Variants in CCDC33 observed in about 807,000 individuals in gnomAD.
CCDC33 encodes coiled-coil domain-containing protein 33.
A neutral mutation model predicts 91.9 loss-of-function variants in CCDC33; 94 were observed. The ratio of observed to expected loss-of-function variants is 1.02; its 90% confidence interval spans 0.87 to 1.21. The LOEUF (loss-of-function observed/expected upper bound fraction) is 1.21, where lower values mean the gene tolerates loss of function less well. Among genes scored for constraint, CCDC33 ranks in the 50% most tolerant of loss-of-function variants. The pLI is 0.00. For synonymous variants in CCDC33, 396 were observed against 374.5 expected (o/e 1.06, Z -0.66); for missense variants, 940 against 935.5 (o/e 1.00, Z -0.06).
rs758275216 is a variant in CCDC33 at position 74,331,308 on chromosome 15, C to T, written c.1771+12C>T. Reference sequence around the variant, plus strand: ...AAAGCCCTACACGGGTGGGTCCACACCCTGATGTGATCAGCTCCCCAGCTT... The same window carrying T: ...AAAGCCCTACACGGGTGGGTCCACATCCTGATGTGATCAGCTCCCCAGCTT... On this transcript the variant is annotated intron_variant, in intron 15 of 18. Transcript: ENST00000398814. The T allele has an allele frequency of 1.9e-6, 3 of 1,613,124 alleles. No individual in the cohort carries two copies. The highest frequency in any genetic ancestry group is 2.5e-6 in the Non-Finnish European group (3 of 1,179,454).
At chr15:74,318,669 C>T (rs771109009) in intron 11 of CCDC33, 2 of 764,414 alleles carry the variant, frequency 2.6e-6, no homozygotes, top group Non-Finnish European at 2.4e-6. Context: ...GTAAGTCGCC[C>T]CCTCGCCCAC....
chr15:74,304,029 G>A (rs904473650), intron 11 of CCDC33: 1 of 152,250 alleles, frequency 6.6e-6, no homozygotes, highest in African/African-American at 2.4e-5. Flanking sequence ...CATCCCACAT[G>A]TGTCTGTTAC....
At chr15:74,216,000 C>G (rs13379566), upstream of CCDC33, among the ~76,000 whole-genome samples, 1 of 152,222 alleles carries the variant, frequency 6.6e-6, no homozygotes, top group East Asian at 1.9e-4. Flanking sequence ...TGATTCTGAG[C>G]GTGGGCCCTG....
At chr15:74,304,024 C>A (rs1021542189) in intron 11 of CCDC33, 1 of 152,198 alleles carries the variant, frequency 6.6e-6, no homozygotes, top group African/African-American at 2.4e-5. Context: ...GATCACATCC[C>A]ACATGTGTCT....
intron 1 of CCDC33, chr15:74,243,772 C>A (rs1048507505): frequency 1.7e-6 from 1 of 595,296 alleles, no homozygotes; most frequent in African/African-American, 1.8e-5. Context: ...TGGGGAAATC[C>A]CGTCTCTACT....
chr15:74,295,545 G>T (rs1358648307), intron 10 of CCDC33, among the ~76,000 whole-genome samples: 2 of 152,182 alleles, frequency 1.3e-5, no homozygotes, highest in Non-Finnish European at 2.9e-5. Context: ...TGAGGCAGGA[G>T]CGAGCTTGGC....
At chr15:74,276,241 G>A (rs750699833) in intron 7 of CCDC33, among the ~76,000 whole-genome samples, 3 of 152,238 alleles carry the variant, frequency 2.0e-5, no homozygotes, top group Non-Finnish European at 4.4e-5. Flanking sequence ...GGAGCCTGGT[G>A]ATGATGGCAA....
intron 2 of CCDC33, among the ~76,000 whole-genome samples, chr15:74,220,619 C>T (rs2074563013): frequency 6.6e-6 from 1 of 152,158 alleles, no homozygotes; most frequent in African/African-American, 2.4e-5. Flanking sequence ...AGGGGACTGG[C>T]GAGATGGCTG....
At chr15:74,290,973 T>C (rs1205982054) in intron 10 of CCDC33, among the ~76,000 whole-genome samples, 1 of 152,214 alleles carries the variant, frequency 6.6e-6, no homozygotes, top group East Asian at 1.9e-4. Flanking sequence ...AGGACTTTCA[T>C]ACTAAAATCC....
chr15:74,280,968 G>C (rs1451821825), intron 9 of CCDC33, among the ~76,000 whole-genome samples, 167 bp downstream of exon 9: 4 of 152,208 alleles, frequency 2.6e-5, no homozygotes. Flanking sequence ...GGAGCTCCCT[G>C]GAACCCCAGA....
In CCDC33 at chr15:74,268,468, C is replaced by T; in HGVS notation, c.546+10C>T. On this transcript the variant is annotated intron_variant, in intron 5 of 18. Transcript: ENST00000398814. ...CCACATGGCTCTGGAGGTACCAGGG[C>T]TGGGGCCCTCTGGGGTGGTGGTGGG... 7.4e-7 allele frequency: 1 copy of T among 1,359,300 alleles called. No homozygotes were observed. The highest frequency in any genetic ancestry group is 1.0e-6 in the Non-Finnish European group (1 of 992,926). 84.2% of individuals were successfully genotyped at this position (1,359,300 alleles called of 1,614,324 possible).
At chr15:74,332,102 G>T (rs1400058752) in intron 15 of CCDC33, among the ~76,000 whole-genome samples, 2 of 152,174 alleles carry the variant, frequency 1.3e-5, no homozygotes, top group South Asian at 4.1e-4. Context: ...ACCTAAAACT[G>T]CCAATCAGCC....
In CCDC33 at chr15:74,280,087, C is replaced by T. The variant is rs1159976823; in HGVS notation, c.884C>T (p.Thr295Ile). 5 of 1,613,906 alleles carry T rather than the reference C, an allele frequency of 3.1e-6. No homozygotes were observed. Among genetic ancestry groups the T allele is most frequent in the Admixed American group, 1.7e-5 (1 of 59,994 alleles). Residue 295 changes from threonine to isoleucine, a missense_variant, in exon 8 of 19, where the codon ACT (threonine) becomes ATT (isoleucine). By Grantham distance (89) the Thr-to-Ile change is moderately conservative. Transcript: ENST00000398814. ...TALVLEYYSS[T>I]SMKGSQPWTL... ...CTGGTGCTGGAGTACTACTCCTCAACTTCAAGTACGTGACCCCTGGTGCCT... is the reference window on the plus strand; with the variant it reads ...CTGGTGCTGGAGTACTACTCCTCAATTTCAAGTACGTGACCCCTGGTGCCT...
exon 2 of CCDC33, chr15:74,209,509 A>G: frequency 7.0e-7 from 1 of 1,435,022 alleles, no homozygotes; most frequent in Non-Finnish European, 9.4e-7. Flanking sequence ...GGGAGTCATC[A>G]CAGGGCTTCA....
At chr15:74,318,436 CACCCAGACA>C in intron 11 of CCDC33, 3 of 547,470 alleles carry the variant, frequency 5.5e-6, no homozygotes, top group Non-Finnish European at 3.2e-6. Flanking sequence ...TCAGCCACCC[CACCCAGACA>C]CCCCCCACCC....
chr15:74,333,710 C>T (rs1482916899), intron 16 of CCDC33, among the ~76,000 whole-genome samples, 171 bp from the exon 17 acceptor site: 1 of 152,190 alleles, frequency 6.6e-6, no homozygotes, highest in Non-Finnish European at 1.5e-5. Flanking sequence ...CATGCCAGAC[C>T]CTGTTCTGAA....
intron 11 of CCDC33, among the ~76,000 whole-genome samples, chr15:74,313,291 C>G (rs1363094581): frequency 6.6e-6 from 1 of 152,124 alleles, no homozygotes; most frequent in African/African-American, 2.4e-5. Context: ...TCCCTTGGCT[C>G]TCTCCCCATC....
Position 74,218,696 on chromosome 15 carries a change from C to G in CCDC33, c.510C>G (p.Leu170=), listed in dbSNP as rs1328521538. 7.8e-7 allele frequency: 1 copy of G among 1,289,868 alleles called. No individual in the cohort carries two copies. The highest frequency in any genetic ancestry group is 1.0e-6 in the Non-Finnish European group (1 of 988,882). The allele number at this position is 1,289,868 out of a possible 1,614,324, so 79.9% of individuals were successfully genotyped here. Residue 170 remains leucine (L), a synonymous_variant, in exon 2 of 3, where the codon CTC becomes CTG. Coordinates refer to the CCDC33 transcript ENST00000635913. The surrounding 1 kb of genome is among the most constrained non-coding windows in gnomAD (Gnocchi z 4.8). ...GCTACTGTGGCAACCTGGCTCTGCT[C>G]CGGGCTAGCACGGACCCCACAGCCC...
rs1259907460 is a variant in CCDC33 at position 74,330,849 on chromosome 15, G to A, written c.1545+98G>A. On this transcript the variant is annotated intron_variant, in intron 13 of 18. Coordinates refer to ENST00000398814, the MANE Select transcript of CCDC33 (RefSeq NM_025055.5). The stretch of plus-strand genomic sequence containing the variant: ...AGGAGAAGGGAGAACAGGCACAGAG[G>A]GAATGGAAGCACGGAAGAAAGGGGG... 5.3e-6 allele frequency: 8 copies of A among 1,508,068 alleles called. No homozygotes were observed. In the Admixed American group the frequency reaches 1.3e-4, roughly 24 times the overall value. The allele number at this position is 1,508,068 out of a possible 1,614,324, so 93.4% of individuals were successfully genotyped here. A position where few individuals can be genotyped will look rare whatever the true frequency, so the allele number is the denominator to read the frequency against.
Sources: allele counts gnomAD v4.1 joint callset (sites outside exome capture counted in the v4.1 genomes callset), GRCh38; gene constraint gnomAD v4.1.1; non-coding constraint Gnocchi (gnomAD v3.1); transcripts MANE v1.5; gene names NCBI Gene and HGNC (gene_info 2026-07-23, HGNC 2026-07-21).